Variants in DAB1 observed in about 807,000 individuals in gnomAD.
The protein encoded by DAB1 is DAB adaptor protein 1, also known as disabled homolog 1.
Under a neutral mutation model 64.6 loss-of-function variants are expected in DAB1, and 15 were observed. The observed-to-expected ratio is 0.23, with a 90% CI of 0.16 to 0.36. The LOEUF is 0.36. DAB1 is among the 10% of genes least tolerant of loss of function. DAB1 has a pLI of 1.00. For synonymous variants in DAB1, 235 were observed against 251.9 expected (o/e 0.93, Z 0.64); for missense variants, 596 against 706.7 (o/e 0.84, Z 1.78).
intron 1 of DAB1, among the ~76,000 whole-genome samples, chr1:57,331,459 G>A (rs1676666075): frequency 6.6e-6 from 1 of 152,160 alleles, no homozygotes; most frequent in African/African-American, 2.4e-5. Flanking sequence ...ATGACTTCTG[G>A]AGTCAAAAAG....
intron 6 of DAB1, among the ~76,000 whole-genome samples, chr1:57,680,260 G>A (rs142616267): frequency 1.6e-4 from 24 of 152,310 alleles, no homozygotes; most frequent in African/African-American, 5.8e-4. Flanking sequence ...CTTCAGCTTT[G>A]AGCCTACACT....
At chr1:57,033,376 A>G in intron 9 of DAB1, 1 of 1,612,464 alleles carries the variant, frequency 6.2e-7, no homozygotes, top group East Asian at 2.2e-5. Flanking sequence ...CACAAACCTC[A>G]AGGCCTTACC....
intron 9 of DAB1, among the ~76,000 whole-genome samples, chr1:57,041,328 G>A (rs543091788): frequency 6.6e-6 from 1 of 152,166 alleles, no homozygotes; most frequent in Admixed American, 6.5e-5. Context: ...TGCCTATCCT[G>A]TGAGCACTTA....
At chr1:57,980,901 GTA>G (rs530368690) in intron 5 of DAB1, among the ~76,000 whole-genome samples, 18 of 146,740 alleles carry the variant, frequency 1.2e-4, no homozygotes, top group East Asian at 4.0e-4. Flanking sequence ...ATGTATATAT[GTA>G]TATATATATA....
intron 14 of DAB1, among the ~76,000 whole-genome samples, chr1:57,002,783 C>G (rs1645917861): frequency 1.3e-5 from 2 of 152,316 alleles, no homozygotes; most frequent in African/African-American, 4.8e-5. Flanking sequence ...GGCTGCTGTT[C>G]TTTTTCTTAC....
Position 57,988,775 on chromosome 1 carries a change from C to T in DAB1, n.388-104613G>A, listed in dbSNP as rs114249536. ...CCAGTATTCCTTAGCCTTCCAATTCCTTAACAGCCAAATTACCCTAGAGCC... is the reference window on the plus strand; with the variant it reads ...CCAGTATTCCTTAGCCTTCCAATTCTTTAACAGCCAAATTACCCTAGAGCC... On this transcript the variant is annotated intron_variant and non_coding_transcript_variant, in intron 5 of 20. Coordinates refer to the DAB1 transcript ENST00000485760. 3.0e-3 allele frequency among the ~76,000 whole-genome samples: 464 copies of T among 152,260 alleles called. 1 individual carries two copies. Among genetic ancestry groups the T allele is most frequent in the Admixed American group, 5.0e-3 (76 of 15,300 alleles).
intron 5 of DAB1, among the ~76,000 whole-genome samples, chr1:58,043,127 G>T (rs536635317): frequency 6.6e-6 from 1 of 152,118 alleles, no homozygotes; most frequent in Non-Finnish European, 1.5e-5. Flanking sequence ...ATGTATAGGC[G>T]CTGTGCTGCT....
intron 1 of DAB1, among the ~76,000 whole-genome samples, chr1:57,355,175 T>G (rs1678972877): frequency 6.6e-6 from 1 of 152,086 alleles, no homozygotes; most frequent in South Asian, 2.1e-4. Context: ...TCCCTCTTCC[T>G]TCTCTTTTTT....
rs141372316 is a variant in DAB1 at position 57,657,630 on chromosome 1, T to A, written n.552-7965A>T. Among the ~76,000 whole-genome samples, 833 of 152,318 alleles carry A rather than the reference T, an allele frequency of 5.5e-3. 10 individuals are homozygous for A. The highest frequency in any genetic ancestry group is 0.018 in the African/African-American group (758 of 41,576). ...GGCAGCTAGTAGACAAGTGGAGGCA[T>A]CTAGAAGTTAGTTTGACATCTAGAT... On this transcript the variant is annotated intron_variant and non_coding_transcript_variant, in intron 6 of 20. Transcript: ENST00000485760.
At chr1:57,970,791 A>G (rs538443010) in intron 5 of DAB1, among the ~76,000 whole-genome samples, 1 of 152,302 alleles carries the variant, frequency 6.6e-6, no homozygotes, top group African/African-American at 2.4e-5. Flanking sequence ...GAAACTCACC[A>G]TGCAATTTTC....
intron 9 of DAB1, among the ~76,000 whole-genome samples, chr1:57,056,020 C>CACAAAAATTAG (rs2100545272): frequency 6.6e-6 from 1 of 152,242 alleles, no homozygotes; most frequent in East Asian, 1.9e-4. Context: ...CACAAAAACT[C>CACAAAAATTAG]TAAGGCAGGC....
chr1:57,853,346 T>C (rs1569851235), intron 1 of DAB1, among the ~76,000 whole-genome samples: 1 of 152,218 alleles, frequency 6.6e-6, no homozygotes, highest in Admixed American at 6.5e-5. Flanking sequence ...GTTGGTGATA[T>C]ACTGAAGAGG....
At chr1:57,851,807 A>G (rs950440293) in intron 1 of DAB1, among the ~76,000 whole-genome samples, 6 of 152,060 alleles carry the variant, frequency 3.9e-5, no homozygotes, top group Non-Finnish European at 7.4e-5. Context: ...CTCTGGTTGT[A>G]TCTCTTGATT....
intron 5 of DAB1, among the ~76,000 whole-genome samples, chr1:57,941,632 C>G (rs1219494984): frequency 6.6e-6 from 1 of 152,072 alleles, no homozygotes; most frequent in East Asian, 1.9e-4. Context: ...GTCAGGAGAT[C>G]GAGACCATCC....
At chr1:58,430,428 C>T (rs546721363) in intron 3 of DAB1, among the ~76,000 whole-genome samples, 1 of 152,144 alleles carries the variant, frequency 6.6e-6, no homozygotes, top group South Asian at 2.1e-4. Context: ...AATTGAAATA[C>T]ATAATGTAAG....
At chr1:57,044,021 C>T (rs1234619650) in intron 9 of DAB1, among the ~76,000 whole-genome samples, 3 of 152,162 alleles carry the variant, frequency 2.0e-5, no homozygotes, top group African/African-American at 7.2e-5. Flanking sequence ...CTGGCTCATT[C>T]CTGCCTCAAG....
chr1:57,835,146 T>C (rs1411420289), intron 1 of DAB1, among the ~76,000 whole-genome samples: 6 of 152,176 alleles, frequency 3.9e-5, no homozygotes, highest in African/African-American at 1.4e-4. Flanking sequence ...TGGATAATAA[T>C]AATTGTCAAC....
intron 8 of DAB1, among the ~76,000 whole-genome samples, chr1:57,065,236 C>T (rs1650786521): frequency 6.6e-6 from 1 of 152,124 alleles, no homozygotes; most frequent in African/African-American, 2.4e-5. Flanking sequence ...TTCTCTAGGC[C>T]TTGTTTGGAG....
intron 1 of DAB1, among the ~76,000 whole-genome samples, chr1:57,832,043 G>A (rs564026233): frequency 6.6e-6 from 1 of 152,244 alleles, no homozygotes; most frequent in Middle Eastern, 3.4e-3. Flanking sequence ...ATATGTACGT[G>A]CATAATTAAA....
Sources: allele counts gnomAD v4.1 joint callset (sites outside exome capture counted in the v4.1 genomes callset), GRCh38; gene constraint gnomAD v4.1.1; transcripts MANE v1.5; gene names NCBI Gene and HGNC (gene_info 2026-07-23, HGNC 2026-07-21).